The following DNAH10 variants were observed in gnomAD, a reference collection of about 807,000 sequenced individuals.
DNAH10 encodes dynein axonemal heavy chain 10, also known as axonemal beta dynein heavy chain 10.
A neutral mutation model predicts 506.6 loss-of-function variants in DNAH10; 348 were observed. That is an observed-to-expected ratio of 0.69 (90% CI 0.63 to 0.75). The LOEUF (loss-of-function observed/expected upper bound fraction) is 0.75, where lower values mean the gene tolerates loss of function less well. DNAH10 is among the 30% of genes least tolerant of loss of function. DNAH10 has a pLI of 0.00. For synonymous variants in DNAH10, 2,059 were observed against 2,198.6 expected (o/e 0.94, Z 1.78); for missense variants, 5,179 against 5,787.1 (o/e 0.89, Z 3.41).
chr12:123,780,135 C>A (rs1429038573), intron 5 of DNAH10, among the ~76,000 whole-genome samples: 4 of 133,984 alleles, frequency 3.0e-5, no homozygotes, highest in African/African-American at 1.1e-4. Context: ...GTTTCCCCTC[C>A]CTCCCTCCCT....
intron 54 of DNAH10, among the ~76,000 whole-genome samples, chr12:123,897,067 T>G (rs1175509675): frequency 6.6e-6 from 1 of 152,220 alleles, no homozygotes; most frequent in Non-Finnish European, 1.5e-5. Flanking sequence ...AATTTGCCTG[T>G]TCTAGAGAGG....
chr12:123,794,333 G>T (rs1334629544), intron 12 of DNAH10, among the ~76,000 whole-genome samples: 1 of 152,204 alleles, frequency 6.6e-6, no homozygotes, highest in African/African-American at 2.4e-5. Flanking sequence ...TACTCACATT[G>T]TGGTGGGCCC....
chr12:123,870,446 T>C lies in DNAH10; in HGVS notation c.7600T>C (p.Tyr2534His). 6.2e-7 allele frequency: 1 copy of C among 1,613,540 alleles called. No homozygotes were observed. Among genetic ancestry groups the C allele is most frequent in the Non-Finnish European group, 8.5e-7 (1 of 1,179,782 alleles). The change falls in exon 44 of 79, where the codon TAT becomes CAT. Residue 2534 changes from tyrosine (Y) to histidine (H), a missense_variant. Coordinates refer to ENST00000673944, the MANE Select transcript of DNAH10 (RefSeq NM_001372106.1). ...WVPWSKLVPE[Y>H]IHAPERKFIN... ...CCCATGGAGTAAATTAGTTCCAGAG[T>C]ATATTCATGCCCCCGAGAGGAAATT...
chr12:123,793,976 A>C lies in DNAH10; in HGVS notation c.1850A>C (p.Glu617Ala), dbSNP rs1958182531. 2.4e-6 allele frequency: 3 copies of C among 1,264,182 alleles called. No individual in the cohort carries two copies. Among genetic ancestry groups the C allele is most frequent in the Non-Finnish European group, 3.1e-6 (3 of 973,358 alleles). 78.3% of individuals were successfully genotyped at this position (1,264,182 alleles called of 1,614,324 possible). The change falls in exon 12 of 79, where the codon GAA becomes GCA. Residue 617 changes from glutamate to alanine, a missense_variant. Physicochemically the swap from Glu to Ala is moderately radical, Grantham distance 107. Around this residue, in one of 3 missense-constraint regions of DNAH10, gnomAD observed 4,844 missense variants for 5,430.5 expected, o/e 0.89. Coordinates refer to ENST00000673944, the MANE Select transcript of DNAH10 (RefSeq NM_001372106.1). ...IEKEAKHFID[E>A]SFKTLRSAEA... ...AAAGAAGCAAAACATTTTATTGATG[A>C]ATCTTTTAAGACGCTTCGATCTGCT...
chr12:123,804,381 T>C (rs890237218), intron 17 of DNAH10, among the ~76,000 whole-genome samples: 4 of 151,830 alleles, frequency 2.6e-5, no homozygotes, highest in African/African-American at 7.3e-5. Context: ...AAAAATTAGC[T>C]GGGCGTGGTG....
intron 19 of DNAH10, among the ~76,000 whole-genome samples, chr12:123,811,798 T>C (rs943600472): frequency 6.6e-6 from 1 of 151,070 alleles, no homozygotes; most frequent in Non-Finnish European, 1.5e-5. Context: ...CCACTGCGCC[T>C]GGCCTAATTT....
chr12:123,923,881 C>G lies in DNAH10; in HGVS notation c.11611+14C>G, dbSNP rs1252888091. ...TCTTTTTAAAAGGTAATGAATTTGC[C>G]TAGCTTCATTCCTCCCATCTCCTTG... On this transcript the variant is annotated intron_variant, in intron 66 of 78. Coordinates refer to ENST00000673944, the MANE Select transcript of DNAH10 (RefSeq NM_001372106.1). The G allele has an allele frequency of 6.4e-7, 1 of 1,565,494 alleles. No homozygotes were observed. Among genetic ancestry groups the G allele is most frequent in the African/African-American group, 1.4e-5 (1 of 73,556 alleles).
chr12:123,857,254 C>A lies in DNAH10; in HGVS notation c.6630+7C>A. On this transcript the variant is annotated splice_region_variant and intron_variant, in intron 37 of 78. Transcript: ENST00000673944. ...CGCGGTCCTACCCATCCAGGTAAAG[C>A]CAGGAAAATGACCTCACTGTGGCCG... 1 of 1,538,868 alleles carries A rather than the reference C, an allele frequency of 6.5e-7. No individual in the cohort carries two copies. The highest frequency in any genetic ancestry group is 8.8e-7 in the Non-Finnish European group (1 of 1,137,268).
chr12:123,905,604 T>TCA (rs1953738559), intron 57 of DNAH10, among the ~76,000 whole-genome samples: 1 of 152,156 alleles, frequency 6.6e-6, no homozygotes, highest in African/African-American at 2.4e-5. Flanking sequence ...AATTTGCATT[T>TCA]CTCTTAGTGT....
intron 39 of DNAH10, among the ~76,000 whole-genome samples, chr12:123,861,652 C>T (rs977119518): frequency 6.6e-6 from 1 of 152,228 alleles, no homozygotes; most frequent in Non-Finnish European, 1.5e-5. Flanking sequence ...TCACCACATG[C>T]CATGGCAAAG....
intron 16 of DNAH10, among the ~76,000 whole-genome samples, chr12:123,802,072 A>G (rs1958499937): frequency 6.6e-6 from 1 of 152,194 alleles, no homozygotes; most frequent in South Asian, 2.1e-4. Context: ...GGATGTGTCA[A>G]CAGTCTGTGG....
intron 1 of DNAH10, among the ~76,000 whole-genome samples, chr12:123,765,564 TTATCTATCTATCTATC>T (rs142140309): frequency 1.2e-4 from 18 of 149,412 alleles, no homozygotes; most frequent in Non-Finnish European, 2.4e-4. Context: ...TATCTATACT[TTATCTATCTATCTATC>T]TATCTATCTA....
intron 65 of DNAH10, chr12:123,923,542 C>T (rs772845804): frequency 2.7e-5 from 11 of 410,556 alleles, no homozygotes; most frequent in Non-Finnish European, 4.7e-5. Flanking sequence ...ATTTCCGTTA[C>T]ATACAGGAGC....
chr12:123,859,690 C>T (rs146522931), intron 38 of DNAH10, among the ~76,000 whole-genome samples: 136 of 152,126 alleles, frequency 8.9e-4, no homozygotes, highest in Non-Finnish European at 1.1e-3. Context: ...GCTAGCCCTT[C>T]GGGGGCAATT....
rs1955391412 is a variant in DNAH10, at chr12:123,934,540, C to CTG, written c.13478-74_13478-73dup. The CTG allele has an allele frequency of 2.6e-6, 4 of 1,557,314 alleles. No homozygotes were observed. In the East Asian group the frequency reaches 9.3e-5, roughly 36 times the overall value. On this transcript the variant is annotated intron_variant, in intron 77 of 78. Transcript: ENST00000673944. Reference sequence around the variant, plus strand: ...AGGCCAGCCAGTGGCCTGTGTGTCGCTGTGTGTGCGCCTGATAGAGCCACT... The same window carrying CTG: ...AGGCCAGCCAGTGGCCTGTGTGTCGCTGTGTGTGTGCGCCTGATAGAGCCACT...
At chr12:123,881,324 CTT>C (rs1468018146) in intron 50 of DNAH10, among the ~76,000 whole-genome samples, 1 of 152,150 alleles carries the variant, frequency 6.6e-6, no homozygotes, top group East Asian at 1.9e-4. Flanking sequence ...TGTTTCCTGA[CTT>C]TTTAATGATT....
intron 13 of DNAH10, 127 bp from the exon 14 acceptor site, chr12:123,799,119 A>G (rs889169340): frequency 6.5e-6 from 4 of 612,088 alleles, no homozygotes; most frequent in African/African-American, 4.0e-5. Context: ...AAAAAAAAAA[A>G]AAAATTATAT....
intron 51 of DNAH10, 53 bp from the exon 52 acceptor site, chr12:123,887,089 G>T: frequency 6.5e-7 from 1 of 1,535,050 alleles, no homozygotes; most frequent in Non-Finnish European, 8.8e-7. Flanking sequence ...GGAGCCCGCA[G>T]GGAAGGGAGG....
chr12:123,799,947 C>T (rs1412412442), intron 14 of DNAH10, among the ~76,000 whole-genome samples: 1 of 152,188 alleles, frequency 6.6e-6, no homozygotes, highest in African/African-American at 2.4e-5. Flanking sequence ...GAGGCAACTG[C>T]TCCATGTCAG....
Sources: allele counts gnomAD v4.1 joint callset (sites outside exome capture counted in the v4.1 genomes callset), GRCh38; gene constraint gnomAD v4.1.1; regional missense constraint gnomAD v4.1.1; transcripts MANE v1.5; gene names NCBI Gene and HGNC (gene_info 2026-07-23, HGNC 2026-07-21).